Variants in POU2AF1 observed in about 807,000 individuals in gnomAD.
POU2AF1 encodes POU class 2 homeobox associating factor 1.
Under a neutral mutation model 26.3 loss-of-function variants are expected in POU2AF1, and 12 were observed. That is an observed-to-expected ratio of 0.46 (90% CI 0.29 to 0.74). POU2AF1 has a LOEUF of 0.74. Ranked by LOEUF, POU2AF1 falls within the 30% of genes least tolerant of loss-of-function variation. POU2AF1 has a pLI of 0.09. For synonymous variants in POU2AF1, 175 were observed against 148.0 expected (o/e 1.18, Z -1.32); for missense variants, 297 against 334.5 (o/e 0.89, Z 0.87).
chr11:111,355,947 C>T (rs1292755295), intron 4 of POU2AF1, among the ~76,000 whole-genome samples: 1 of 152,186 alleles, frequency 6.6e-6, no homozygotes, highest in Non-Finnish European at 1.5e-5. Context: ...CTACATTTCC[C>T]AGTCATAAAC....
chr11:111,370,679 T>A (rs1861193068), intron 1 of POU2AF1, among the ~76,000 whole-genome samples: 1 of 152,196 alleles, frequency 6.6e-6, no homozygotes, highest in South Asian at 2.1e-4. Flanking sequence ...ATAAGGGAGT[T>A]TGTAGCAAAA....
chr11:111,377,834 G>A (rs1861338310), intron 1 of POU2AF1: 1 of 184,972 alleles, frequency 5.4e-6, no homozygotes, highest in Non-Finnish European at 1.1e-5. Context: ...GAAAGGATAG[G>A]CTGCCGCTGC....
At chr11:111,377,445 G>A (rs1249258634) in intron 1 of POU2AF1, among the ~76,000 whole-genome samples, 2 of 152,060 alleles carry the variant, frequency 1.3e-5, no homozygotes, top group Non-Finnish European at 2.9e-5. Flanking sequence ...ATGAAAAAAT[G>A]TACTACAGAA....
intron 4 of POU2AF1, among the ~76,000 whole-genome samples, chr11:111,357,048 A>G (rs1387915294): frequency 1.3e-5 from 2 of 152,202 alleles, no homozygotes; most frequent in Non-Finnish European, 2.9e-5. Context: ...TAAGTGAACA[A>G]TCACTCCCTA....
intron 4 of POU2AF1, among the ~76,000 whole-genome samples, chr11:111,355,725 T>C (rs1389522781): frequency 6.6e-6 from 1 of 152,150 alleles, no homozygotes; most frequent in African/African-American, 2.4e-5. Flanking sequence ...AGCAAGGCTT[T>C]AGGGTGTTTT....
At chr11:111,354,778 C>G (rs1860811317) in intron 4 of POU2AF1, among the ~76,000 whole-genome samples, 2 of 152,146 alleles carry the variant, frequency 1.3e-5, no homozygotes, top group South Asian at 4.1e-4. Context: ...AATCCTGACC[C>G]TTCCTAGCTA....
chr11:111,372,678 C>A (rs1015737953), intron 1 of POU2AF1, among the ~76,000 whole-genome samples: 3 of 152,206 alleles, frequency 2.0e-5, no homozygotes, highest in Non-Finnish European at 4.4e-5. Flanking sequence ...AGATAATGCA[C>A]TCAAAGCATA....
chr11:111,370,481 G>C (rs1018148539), intron 1 of POU2AF1, among the ~76,000 whole-genome samples: 1 of 152,116 alleles, frequency 6.6e-6, no homozygotes, highest in African/African-American at 2.4e-5. Flanking sequence ...GGGGTAGATT[G>C]GCCAGGTCAG....
Position 111,379,157 on chromosome 11 carries a change from C to T in POU2AF1, c.16+5G>A. ...GGGTCTGACAGCCACAGCCAAACCA[C>T]TTACGTTTTTGCCAGAGCATGGCCT... On this transcript the variant is annotated splice_donor_5th_base_variant and intron_variant, in intron 1 of 4. Transcript: ENST00000393067. 6.2e-7 allele frequency: 1 copy of T among 1,614,150 alleles called. No individual in the cohort carries two copies. Among genetic ancestry groups the T allele is most frequent in the Non-Finnish European group, 8.5e-7 (1 of 1,180,006 alleles).
intron 1 of POU2AF1, among the ~76,000 whole-genome samples, chr11:111,363,642 C>T (rs1326378243): frequency 6.6e-6 from 1 of 152,138 alleles, no homozygotes; most frequent in African/African-American, 2.4e-5. Flanking sequence ...ATATTTTTAA[C>T]TTTTTAAATA....
At chr11:111,362,771 G>A (rs974422540) in intron 1 of POU2AF1, among the ~76,000 whole-genome samples, 3 of 152,242 alleles carry the variant, frequency 2.0e-5, no homozygotes, top group South Asian at 2.1e-4. Context: ...ACTTGGGGGG[G>A]TCTGAGCACT....
chr11:111,376,266 T>C (rs1861308753), intron 1 of POU2AF1, among the ~76,000 whole-genome samples: 2 of 152,212 alleles, frequency 1.3e-5, no homozygotes, highest in African/African-American at 4.8e-5. Flanking sequence ...GGAAATTTCC[T>C]TCTCACAAAG....
rs1246066732 is a variant in POU2AF1, at chr11:111,353,605, A to T, written c.*656T>A. ...GAACTGACAGCTCAAGGACTCTGGC[A>T]TCAGGGTAGGCCCTTGGCTGACTTT... On this transcript the variant is annotated 3_prime_UTR_variant, in exon 5 of 5. Coordinates refer to ENST00000393067, the MANE Select transcript of POU2AF1 (RefSeq NM_006235.3). 8.6e-6 allele frequency: 2 copies of T among 233,466 alleles called. No homozygotes were observed. The highest frequency in any genetic ancestry group is 1.7e-5 in the Non-Finnish European group (2 of 118,286). The allele number at this position is 233,466 out of a possible 1,614,324, so 14.5% of individuals were successfully genotyped here.
intron 1 of POU2AF1, among the ~76,000 whole-genome samples, chr11:111,361,910 A>T (rs1861016959): frequency 6.6e-6 from 1 of 152,216 alleles, no homozygotes; most frequent in Non-Finnish European, 1.5e-5. Flanking sequence ...GACAGATACC[A>T]GGTGTCCCCC....
intron 1 of POU2AF1, among the ~76,000 whole-genome samples, chr11:111,373,668 G>C (rs574659480): frequency 1.2e-4 from 19 of 152,330 alleles, no homozygotes; most frequent in African/African-American, 4.3e-4. Flanking sequence ...GAACATTTGA[G>C]ACCCAAAGTG....
chr11:111,356,575 T>G (rs1023684119), intron 4 of POU2AF1, among the ~76,000 whole-genome samples: 1 of 152,242 alleles, frequency 6.6e-6, no homozygotes, highest in Non-Finnish European at 1.5e-5. Flanking sequence ...CAGGTCTTTT[T>G]GCCCTTGAAT....
chr11:111,359,256 TTCCTGCGTG>T (rs1341489099), intron 1 of POU2AF1: 1 of 317,606 alleles, frequency 3.1e-6, no homozygotes, highest in African/African-American at 2.2e-5. Context: ...TCTCTACGTG[TTCCTGCGTG>T]TCTCACCTCC....
At chr11:111,358,446 A>T (rs538182881) in intron 2 of POU2AF1, among the ~76,000 whole-genome samples, 1 of 101,020 alleles carries the variant, frequency 9.9e-6, no homozygotes, top group African/African-American at 3.6e-5. Flanking sequence ...TCACTCTCAC[A>T]CACACACACT....
At position 111,354,243 on chromosome 11, in the gene POU2AF1, C is replaced by T; in HGVS notation, c.*18G>A. ...AAAATCCCAGTTTCAGGGAACAGGA[C>T]TCAGGTGGGAGCCACGCCTAAAAGC... On this transcript the variant is annotated 3_prime_UTR_variant, in exon 5 of 5. Coordinates refer to ENST00000393067, the MANE Select transcript of POU2AF1 (RefSeq NM_006235.3). The T allele has an allele frequency of 1.2e-6, 2 of 1,612,956 alleles. No homozygotes were observed. Among genetic ancestry groups the T allele is most frequent in the South Asian group, 1.1e-5 (1 of 90,832 alleles).
Sources: allele counts gnomAD v4.1 joint callset (sites outside exome capture counted in the v4.1 genomes callset), GRCh38; gene constraint gnomAD v4.1.1; transcripts MANE v1.5; gene names NCBI Gene and HGNC (gene_info 2026-07-23, HGNC 2026-07-21).